ZFAND3: variants seen among roughly 807,000 people sequenced by gnomAD.
ZFAND3 encodes the protein AN1-type zinc finger protein 3.
In ZFAND3, 10 loss-of-function variants were observed where a neutral mutation model predicts 29.6. That is an observed-to-expected ratio of 0.34 (90% CI 0.21 to 0.57). ZFAND3 has a LOEUF of 0.57. Among genes scored for constraint, ZFAND3 ranks in the 20% least tolerant of loss-of-function variants. ZFAND3 has a pLI of 0.86. For synonymous variants in ZFAND3, 128 were observed against 112.6 expected (o/e 1.14, Z -0.87); for missense variants, 230 against 304.5 (o/e 0.76, Z 1.82).
At chr6:37,963,624 G>A (rs1178515912) in intron 2 of ZFAND3, among the ~76,000 whole-genome samples, 2 of 151,550 alleles carry the variant, frequency 1.3e-5, no homozygotes, top group Non-Finnish European at 2.9e-5. Context: ...AATAAAATTC[G>A]TTTCTAGTTC....
chr6:38,082,142 G>GTTT (rs771690113), intron 3 of ZFAND3, among the ~76,000 whole-genome samples: 7,087 of 144,988 alleles, frequency 0.049, 230 homozygotes, highest in Non-Finnish European at 0.059. Context: ...AGACTCGGCT[G>GTTT]TTTTTTTTTT....
intron 1 of ZFAND3, among the ~76,000 whole-genome samples, chr6:37,926,768 T>C (rs1236592998): frequency 6.6e-6 from 1 of 152,222 alleles, no homozygotes; most frequent in Non-Finnish European, 1.5e-5. Context: ...TCATGCTTAC[T>C]GTCAAAAAGA....
intron 5 of ZFAND3, among the ~76,000 whole-genome samples, chr6:38,134,672 G>A (rs1487175093): frequency 6.6e-6 from 1 of 152,176 alleles, no homozygotes; most frequent in Non-Finnish European, 1.5e-5. Flanking sequence ...AATGAAGTTT[G>A]TTTCTGCTTC....
intron 4 of ZFAND3, among the ~76,000 whole-genome samples, chr6:38,085,625 A>G (rs1283042987): frequency 6.6e-6 from 1 of 152,148 alleles, no homozygotes; most frequent in Non-Finnish European, 1.5e-5. Flanking sequence ...TTTTTAATAA[A>G]GACAAGGTCT....
chr6:37,821,952 A>G (rs1474547182), intron 1 of ZFAND3, among the ~76,000 whole-genome samples: 2 of 151,218 alleles, frequency 1.3e-5, no homozygotes, highest in Non-Finnish European at 2.9e-5. Flanking sequence ...TCCTGCCTCA[A>G]CCTCCCAAGT....
chr6:38,058,588 A>G (rs929395991), intron 2 of ZFAND3, among the ~76,000 whole-genome samples: 6 of 152,198 alleles, frequency 3.9e-5, no homozygotes, highest in African/African-American at 1.4e-4. Context: ...AACTGGCTAC[A>G]TTCATTGCAC....
intron 1 of ZFAND3, among the ~76,000 whole-genome samples, chr6:37,868,123 TGA>T (rs1401241901): frequency 6.6e-6 from 1 of 152,260 alleles, no homozygotes; most frequent in Non-Finnish European, 1.5e-5. Flanking sequence ...CTTAATTTGA[TGA>T]GTTTTTTCCT....
chr6:38,144,194 T>TTATATATATATATATA, intron 5 of ZFAND3, among the ~76,000 whole-genome samples: 1 of 32,276 alleles, frequency 3.1e-5, no homozygotes, highest in Non-Finnish European at 7.8e-5. Context: ...AATATATATA[T>TTATATATATATATATA]ATATATATAT....
intron 1 of ZFAND3, among the ~76,000 whole-genome samples, chr6:37,924,380 T>G (rs976874397): frequency 2.6e-5 from 4 of 151,986 alleles, no homozygotes; most frequent in Admixed American, 1.3e-4. Context: ...TAACAAGCAT[T>G]TATTGGGTAC....
chr6:38,021,349 A>G (rs961502071), intron 2 of ZFAND3, among the ~76,000 whole-genome samples: 1 of 152,240 alleles, frequency 6.6e-6, no homozygotes, highest in Non-Finnish European at 1.5e-5. Flanking sequence ...GAGAAGAGGT[A>G]GGAAAGAAGG....
intron 1 of ZFAND3, among the ~76,000 whole-genome samples, chr6:37,905,859 GCATA>G (rs1554155974): frequency 6.6e-6 from 1 of 151,940 alleles, no homozygotes; most frequent in Non-Finnish European, 1.5e-5. Flanking sequence ...AAAGTTGCTA[GCATA>G]CATCTTGTTT....
At chr6:38,039,630 A>G (rs1763723003) in intron 2 of ZFAND3, among the ~76,000 whole-genome samples, 2 of 152,344 alleles carry the variant, frequency 1.3e-5, no homozygotes, top group Admixed American at 1.3e-4. Context: ...GCAGTACAGT[A>G]CCATTTATGT....
chr6:37,826,431 A>T (rs181553639), intron 1 of ZFAND3, among the ~76,000 whole-genome samples: 46 of 152,280 alleles, frequency 3.0e-4, no homozygotes, highest in African/African-American at 1.1e-3. Flanking sequence ...TAAGTGTCAT[A>T]TGCAGAAAAG....
chr6:38,152,685 G>A lies in ZFAND3; in HGVS notation c.*296G>A. The A allele has an allele frequency of 9.1e-7, 1 of 1,099,888 alleles. No homozygotes were observed. The highest frequency in any genetic ancestry group is 5.4e-5 in the East Asian group (1 of 18,594). 68.1% of individuals were successfully genotyped at this position (1,099,888 alleles called of 1,614,324 possible). Reference sequence around the variant, plus strand: ...ACAACACATACCTGTCACTGCTGGAGTCAAACTTATAAAAAGCCTTAAGTG... The same window carrying A: ...ACAACACATACCTGTCACTGCTGGAATCAAACTTATAAAAAGCCTTAAGTG... On this transcript the variant is annotated 3_prime_UTR_variant, in exon 6 of 6. Transcript: ENST00000287218.
rs1436513843 is a variant in ZFAND3, at chr6:38,144,229, A to ATTT, written c.530-8005_530-8004insTTT. 2.6e-5 allele frequency among the ~76,000 whole-genome samples: 3 copies of ATTT among 116,930 alleles called. No individual in the cohort carries two copies. In the East Asian group the frequency reaches 1.1e-3, roughly 43 times the overall value. 76.7% of individuals were successfully genotyped at this position (116,930 alleles called of 152,430 possible). ...TATATATAATATATAATATATATAT[A>ATTT]TATTTTTTTTTTAATAAGGTTGCTT... is the stretch of plus-strand genomic sequence containing the variant. On this transcript the variant is annotated intron_variant, in intron 5 of 5. Coordinates refer to ENST00000287218, the MANE Select transcript of ZFAND3 (RefSeq NM_021943.3).
chr6:37,896,536 T>TTCTA lies in ZFAND3; in HGVS notation c.72-33420_72-33419insATCT, dbSNP rs1193604143. On this transcript the variant is annotated intron_variant, in intron 1 of 5. Coordinates refer to ENST00000287218, the MANE Select transcript of ZFAND3 (RefSeq NM_021943.3). ...TTCTTTTCTTTCTTTCTTTCTTTCTTTCTTTCTTTCTTTCTTTCTTTCTTT... is the reference window on the plus strand; with the variant it reads ...TTCTTTTCTTTCTTTCTTTCTTTCTTTCTATCTTTCTTTCTTTCTTTCTTTCTTT... Among the ~76,000 whole-genome samples the TTCTA allele has an allele frequency of 6.5e-5, 8 of 123,808 alleles. 1 individual carries two copies. The highest frequency in any genetic ancestry group is 6.4e-4 in the Admixed American group (8 of 12,556). 81.2% of individuals were successfully genotyped at this position (123,808 alleles called of 152,430 possible).
intron 5 of ZFAND3, among the ~76,000 whole-genome samples, chr6:38,147,776 G>A (rs556869710): frequency 6.6e-6 from 1 of 152,098 alleles, no homozygotes; most frequent in East Asian, 1.9e-4. Context: ...ATCTTCTTTT[G>A]ATAATTGTCT....
chr6:37,971,540 A>G (rs532964608), intron 2 of ZFAND3, among the ~76,000 whole-genome samples: 1 of 152,258 alleles, frequency 6.6e-6, no homozygotes, highest in Non-Finnish European at 1.5e-5. Context: ...GCAGTCTCAC[A>G]CTTAATTCCA....
chr6:38,001,230 C>T (rs1480290175), intron 2 of ZFAND3, among the ~76,000 whole-genome samples: 1 of 152,210 alleles, frequency 6.6e-6, no homozygotes, highest in Non-Finnish European at 1.5e-5. Flanking sequence ...TGGAGTAGGA[C>T]AGTCCCAACT....
Sources: gnomAD v4.1 joint callset for allele counts (sites outside exome capture counted in the v4.1 genomes callset) on GRCh38, gnomAD v4.1.1 for gene constraint, MANE v1.5 for transcripts, NCBI Gene and HGNC (gene_info 2026-07-23, HGNC 2026-07-21) for gene names.